Variants in PIGK observed in about 807,000 individuals in gnomAD.
PIGK encodes phosphatidylinositol glycan anchor biosynthesis class K.
In PIGK, 42 loss-of-function variants were observed where a neutral mutation model predicts 50.6. That is an observed-to-expected ratio of 0.83 (90% CI 0.65 to 1.07). PIGK has a LOEUF of 1.07. Among genes scored for constraint, PIGK ranks in the 50% least tolerant of loss-of-function variants. The pLI is 0.00. For missense variants in PIGK, 448 were observed against 488.7 expected, an observed-to-expected ratio of 0.92 and a Z score of 0.78; for synonymous variants, 151 against 156.0, an observed-to-expected ratio of 0.97 and a Z score of 0.24.
At chr1:77,147,437 C>G (rs1398522206) in intron 9 of PIGK, among the ~76,000 whole-genome samples, 1 of 152,110 alleles carries the variant, frequency 6.6e-6, no homozygotes, top group East Asian at 1.9e-4. Flanking sequence ...AACCCACTAA[C>G]ATAAGAGGTG....
At chr1:77,210,100 A>G (rs1457755791) in intron 2 of PIGK, among the ~76,000 whole-genome samples, 5 of 152,100 alleles carry the variant, frequency 3.3e-5, no homozygotes, top group Non-Finnish European at 7.4e-5. Context: ...AGTAGAAAGT[A>G]TCTATCAACT....
intron 10 of PIGK, among the ~76,000 whole-genome samples, chr1:77,105,980 T>C (rs1219787501): frequency 6.6e-6 from 1 of 152,150 alleles, no homozygotes; most frequent in Non-Finnish European, 1.5e-5. Flanking sequence ...AAACTAAAAA[T>C]CTTAATCTTG....
chr1:77,123,230 C>A (rs966172924), intron 9 of PIGK, among the ~76,000 whole-genome samples: 7 of 152,076 alleles, frequency 4.6e-5, no homozygotes, highest in Non-Finnish European at 8.8e-5. Flanking sequence ...GATTTCAAGA[C>A]AATAAAACCT....
chr1:77,185,939 T>A (rs1655728478), intron 3 of PIGK, among the ~76,000 whole-genome samples: 1 of 152,228 alleles, frequency 6.6e-6, no homozygotes, highest in South Asian at 2.1e-4. Flanking sequence ...ACTGAACATT[T>A]GACTATGTGT....
chr1:77,168,503 C>T (rs1187005973), intron 4 of PIGK, among the ~76,000 whole-genome samples: 1 of 151,932 alleles, frequency 6.6e-6, no homozygotes, highest in Non-Finnish European at 1.5e-5. Flanking sequence ...GTTAAACATA[C>T]ATATTTAATT....
intron 10 of PIGK, among the ~76,000 whole-genome samples, chr1:77,110,413 T>C (rs1653810983): frequency 6.6e-6 from 1 of 151,958 alleles, no homozygotes; most frequent in African/African-American, 2.4e-5. Flanking sequence ...AAAACAGAGA[T>C]ATAGACCAAT....
intron 9 of PIGK, among the ~76,000 whole-genome samples, chr1:77,138,687 C>T (rs1654576888): frequency 6.6e-6 from 1 of 152,202 alleles, no homozygotes; most frequent in Non-Finnish European, 1.5e-5. Context: ...CTAATACTCT[C>T]ACGGGATTAG....
chr1:77,204,688 A>C (rs1656250398), intron 3 of PIGK, among the ~76,000 whole-genome samples: 1 of 152,118 alleles, frequency 6.6e-6, no homozygotes, highest in Non-Finnish European at 1.5e-5. Context: ...GCCGACACTT[A>C]GGAAAAATAG....
At chr1:77,210,374 C>T in intron 2 of PIGK, 62 bp downstream of exon 2, 1 of 944,456 alleles carries the variant, frequency 1.1e-6, no homozygotes, top group South Asian at 2.0e-5. Context: ...ATTTGATTCA[C>T]ACAAATTTCT....
rs149879773 is a variant in PIGK, at chr1:77,218,328, G to C, written c.93+982C>G. The stretch of plus-strand genomic sequence containing the variant: ...AAACTCAGGGAGTATGGAGGCCTAT[G>C]GAAAACAAGATAAAGTAATCGCAAG... On this transcript the variant is annotated intron_variant, in intron 1 of 10. Coordinates refer to ENST00000370812, the MANE Select transcript of PIGK (RefSeq NM_005482.3). 5.3e-5 allele frequency among the ~76,000 whole-genome samples: 8 copies of C among 152,326 alleles called. 1 individual carries two copies. The East Asian group carries it at 1.5e-3, about 29-fold the overall frequency.
intron 3 of PIGK, among the ~76,000 whole-genome samples, chr1:77,182,015 G>A (rs1009814993): frequency 2.6e-5 from 4 of 152,056 alleles, no homozygotes; most frequent in Non-Finnish European, 2.9e-5. Flanking sequence ...AGCATTCTTC[G>A]ATACATGATT....
intron 3 of PIGK, among the ~76,000 whole-genome samples, chr1:77,169,626 AT>A (rs1655315805): frequency 6.6e-6 from 1 of 152,026 alleles, no homozygotes; most frequent in African/African-American, 2.4e-5. Flanking sequence ...CACTTTAATT[AT>A]TTTTTTCATA....
chr1:77,192,149 C>A (rs72683934), intron 3 of PIGK, among the ~76,000 whole-genome samples: 5,641 of 151,658 alleles, frequency 0.037, 206 homozygotes, highest in South Asian at 0.21. Flanking sequence ...AAAAAAAAAT[C>A]TTTTGGCAAG....
chr1:77,205,345 C>T (rs1199491744), intron 3 of PIGK, among the ~76,000 whole-genome samples: 1 of 151,064 alleles, frequency 6.6e-6, no homozygotes, highest in East Asian at 1.9e-4. Context: ...AATCAACCTC[C>T]TTCTCAGACT....
chr1:77,187,761 T>A (rs1029414632), intron 3 of PIGK, among the ~76,000 whole-genome samples: 7 of 152,154 alleles, frequency 4.6e-5, no homozygotes, highest in African/African-American at 1.7e-4. Context: ...CCTTCAGGAA[T>A]GAAGGTGTGG....
At chr1:77,165,572 C>T (rs1003919245) in intron 5 of PIGK, among the ~76,000 whole-genome samples, 4 of 149,508 alleles carry the variant, frequency 2.7e-5, no homozygotes, top group African/African-American at 4.9e-5. Flanking sequence ...CCATATTTAC[C>T]GAATACTACT....
chr1:77,219,154 T>A (rs768897762), intron 1 of PIGK, among the ~76,000 whole-genome samples, 156 bp downstream of exon 1: 1 of 152,212 alleles, frequency 6.6e-6, no homozygotes, highest in Non-Finnish European at 1.5e-5. Flanking sequence ...AGACCAACAG[T>A]GTCCTAACCC....
chr1:77,102,758 G>A (rs1308951631), intron 10 of PIGK, among the ~76,000 whole-genome samples: 1 of 152,184 alleles, frequency 6.6e-6, no homozygotes, highest in Non-Finnish European at 1.5e-5. Flanking sequence ...AGCTTTTGAT[G>A]CAGATAGTCC....
At chr1:77,188,067 G>C (rs185813676) in intron 3 of PIGK, among the ~76,000 whole-genome samples, 1 of 152,230 alleles carries the variant, frequency 6.6e-6, no homozygotes, top group Non-Finnish European at 1.5e-5. Context: ...TGCACTAATT[G>C]CATTAACTGC....
Sources: allele counts gnomAD v4.1 joint callset (sites outside exome capture counted in the v4.1 genomes callset), GRCh38; gene constraint gnomAD v4.1.1; transcripts MANE v1.5; gene names NCBI Gene and HGNC (gene_info 2026-07-23, HGNC 2026-07-21).